Variants in STK17B observed in about 807,000 individuals in gnomAD.
STK17B encodes the protein serine/threonine kinase 17b, also known as serine/threonine-protein kinase 17B.
STK17B carries 21 observed loss-of-function variants against 42.0 expected under a neutral mutation model. That is an observed-to-expected ratio of 0.50 (90% CI 0.35 to 0.72). The LOEUF (loss-of-function observed/expected upper bound fraction) is 0.72. Among genes scored for constraint, STK17B ranks in the 30% least tolerant of loss-of-function variants. STK17B has a pLI of 0.00. For synonymous variants in STK17B, 143 were observed against 148.4 expected, an observed-to-expected ratio of 0.96 and a Z score of 0.26; for missense variants, 349 against 446.0, an observed-to-expected ratio of 0.78 and a Z score of 1.96.
At chr2:196,159,361 A>C (rs1699782559) in intron 2 of STK17B, among the ~76,000 whole-genome samples, 1 of 146,444 alleles carries the variant, frequency 6.8e-6, no homozygotes, top group Non-Finnish European at 1.5e-5. Flanking sequence ...CCCAGGATGG[A>C]GTGCAGTGGC....
intron 3 of STK17B, among the ~76,000 whole-genome samples, chr2:196,148,668 T>G (rs981343738): frequency 1.3e-5 from 2 of 152,224 alleles, no homozygotes; most frequent in African/African-American, 4.8e-5. Flanking sequence ...AAAAAATAGA[T>G]GTGTATTCTT....
rs1699357337 is a variant in STK17B at position 196,133,862 on chromosome 2, T to C, written c.*3585A>G. On this transcript the variant is annotated 3_prime_UTR_variant, in exon 8 of 8. Transcript: ENST00000263955. Reference sequence around the variant, plus strand: ...GCAGGAAGTTGTAATTTATGGAAAATTTACAATTATTCTTTAAAATACTTT... The same window carrying C: ...GCAGGAAGTTGTAATTTATGGAAAACTTACAATTATTCTTTAAAATACTTT... 6.6e-6 allele frequency: 1 copy of C among 152,208 alleles called. No individual in the cohort carries two copies. Among genetic ancestry groups the C allele is most frequent in the South Asian group, 2.1e-4 (1 of 4,836 alleles). The allele number at this position is 152,208 out of a possible 1,614,324, so 9.4% of individuals were successfully genotyped here.
chr2:196,163,359 G>T lies in STK17B; in HGVS notation c.25C>A (p.Arg9=). The T allele has an allele frequency of 6.3e-7, 1 of 1,597,718 alleles. No homozygotes were observed. Among genetic ancestry groups the T allele is most frequent in the Non-Finnish European group, 8.5e-7 (1 of 1,175,668 alleles). MSRRRFDC[R]SISGLLTTTP... ...GTAGTTAGTAGGCCTGAAATACTTCGGCAATCAAATCTCCTCCTCGACATG... is the reference window on the plus strand; with the variant it reads ...GTAGTTAGTAGGCCTGAAATACTTCTGCAATCAAATCTCCTCCTCGACATG... Residue 9 remains arginine (R), a synonymous_variant, in exon 2 of 8, where the codon CGA becomes AGA. Coordinates refer to ENST00000263955, the MANE Select transcript of STK17B (RefSeq NM_004226.4).
intron 1 of STK17B, chr2:196,165,507 C>A (rs1407535141): frequency 1.3e-5 from 2 of 152,102 alleles, no homozygotes; most frequent in Non-Finnish European, 2.9e-5. Flanking sequence ...TAGACATAGC[C>A]CCTTCTTTCC....
intron 1 of STK17B, among the ~76,000 whole-genome samples, chr2:196,165,019 C>T (rs1699859444): frequency 6.6e-6 from 1 of 152,136 alleles, no homozygotes; most frequent in African/African-American, 2.4e-5. Flanking sequence ...AGCTATGAGA[C>T]CTTAATTAAA....
chr2:196,146,541 T>C (rs146318490), intron 3 of STK17B, among the ~76,000 whole-genome samples: 14 of 152,174 alleles, frequency 9.2e-5, no homozygotes, highest in African/African-American at 3.1e-4. Flanking sequence ...ATGAGACTAT[T>C]TCAAATTCTG....
At chr2:196,155,039 C>T (rs537446401) in intron 3 of STK17B, among the ~76,000 whole-genome samples, 2 of 152,240 alleles carry the variant, frequency 1.3e-5, no homozygotes, top group South Asian at 4.2e-4. Context: ...TGTATTTTGT[C>T]GTTGCTGTTT....
At chr2:196,165,362 C>T (rs1199436389) in intron 1 of STK17B, among the ~76,000 whole-genome samples, 1 of 152,104 alleles carries the variant, frequency 6.6e-6, no homozygotes, top group Non-Finnish European at 1.5e-5. Flanking sequence ...GCCTGATCTG[C>T]GGCAACACAG....
At chr2:196,146,735 A>G (rs1299220941) in intron 3 of STK17B, among the ~76,000 whole-genome samples, 3 of 152,072 alleles carry the variant, frequency 2.0e-5, no homozygotes, top group Admixed American at 6.6e-5. Flanking sequence ...TCTTATATAT[A>G]TATCATCTAT....
intron 1 of STK17B, among the ~76,000 whole-genome samples, chr2:196,170,019 A>T (rs1242683289): frequency 2.0e-5 from 3 of 152,244 alleles, no homozygotes; most frequent in Admixed American, 2.0e-4. Flanking sequence ...TCCGAGGCAG[A>T]TGAGTTTAAA....
chr2:196,166,483 C>A (rs1467629951), intron 1 of STK17B, among the ~76,000 whole-genome samples: 1 of 151,972 alleles, frequency 6.6e-6, no homozygotes, highest in Non-Finnish European at 1.5e-5. Flanking sequence ...CAGGTTATAG[C>A]ATTTAAAAAA....
intron 2 of STK17B, 71 bp from the exon 3 acceptor site, chr2:196,156,722 T>TAA: frequency 4.3e-6 from 5 of 1,149,872 alleles, no homozygotes; most frequent in East Asian, 2.4e-5. Context: ...ACAGATTCTG[T>TAA]TATACCTCCA....
chr2:196,148,087 A>G (rs548161168), intron 3 of STK17B, among the ~76,000 whole-genome samples: 1 of 152,340 alleles, frequency 6.6e-6, no homozygotes, highest in African/African-American at 2.4e-5. Flanking sequence ...TGAGTATTGA[A>G]AAGTGTAGTT....
intron 2 of STK17B, among the ~76,000 whole-genome samples, chr2:196,159,806 A>G (rs1048867095): frequency 2.6e-5 from 4 of 152,242 alleles, no homozygotes; most frequent in African/African-American, 7.2e-5. Context: ...AGGAACTGAA[A>G]TATCTGTTGA....
At chr2:196,157,781 C>A (rs73048473) in intron 2 of STK17B, among the ~76,000 whole-genome samples, 4,554 of 152,232 alleles carry the variant, frequency 0.03, 225 homozygotes, top group African/African-American at 0.1. Context: ...AAATTCATTT[C>A]TATTGGCATA....
rs189269729 is a variant in STK17B at position 196,137,811 on chromosome 2, T to A, written c.837-82A>T. The A allele has an allele frequency of 3.0e-5, 43 of 1,446,770 alleles. No individual in the cohort carries two copies. The Admixed American group carries it at 7.1e-4, about 24-fold the overall frequency. 89.6% of individuals were successfully genotyped at this position (1,446,770 alleles called of 1,614,324 possible). On this transcript the variant is annotated intron_variant, in intron 7 of 7. Transcript: ENST00000263955. Reference sequence around the variant, plus strand: ...TTCAGTTTGATAGATTATAGACATATTTTTTACTTCTTGTGAAAATAAAAC... The same window carrying A: ...TTCAGTTTGATAGATTATAGACATAATTTTTACTTCTTGTGAAAATAAAAC...
intron 3 of STK17B, chr2:196,153,518 A>G (rs1157427718): frequency 6.6e-6 from 1 of 152,186 alleles, no homozygotes; most frequent in Non-Finnish European, 1.5e-5. Flanking sequence ...CTATCCTTAG[A>G]AAAGTCCTAA....
rs1699374763 is a variant in STK17B, at chr2:196,134,886, G to C, written c.*2561C>G. On this transcript the variant is annotated 3_prime_UTR_variant, in exon 8 of 8. Transcript: ENST00000263955. ...TTCAATCTTGGGAGAAAAAGAGTAA[G>C]AATTGAATCATTTGCTAAAAAGCTC... The C allele has an allele frequency of 6.6e-6, 1 of 152,148 alleles. No individual in the cohort carries two copies. Among genetic ancestry groups the C allele is most frequent in the South Asian group, 2.1e-4 (1 of 4,832 alleles). 9.4% of individuals were successfully genotyped at this position (152,148 alleles called of 1,614,324 possible).
upstream of STK17B, among the ~76,000 whole-genome samples, chr2:196,172,451 C>T (rs1483179706): frequency 6.6e-6 from 1 of 152,170 alleles, no homozygotes; most frequent in Non-Finnish European, 1.5e-5. Flanking sequence ...TTTCAGAGGA[C>T]ATTTACGATA....
Sources: gnomAD v4.1 joint callset for allele counts (sites outside exome capture counted in the v4.1 genomes callset) on GRCh38, gnomAD v4.1.1 for gene constraint, MANE v1.5 for transcripts, NCBI Gene and HGNC (gene_info 2026-07-23, HGNC 2026-07-21) for gene names.